Variants in EPB41L1 observed in about 807,000 individuals in gnomAD.
EPB41L1 encodes the protein band 4.1-like protein 1.
EPB41L1 carries 29 observed loss-of-function variants against 97.8 expected under a neutral mutation model. The observed-to-expected ratio is 0.30, with a 90% CI of 0.22 to 0.40. The LOEUF (loss-of-function observed/expected upper bound fraction) is 0.40, where lower values mean the gene tolerates loss of function less well. Ranked by LOEUF, EPB41L1 falls within the 10% of genes least tolerant of loss-of-function variation. The pLI is 1.00. For missense variants in EPB41L1, 812 were observed against 1,162.3 expected (o/e 0.70, Z 4.38); for synonymous variants, 383 against 459.2 (o/e 0.83, Z 2.12).
At chr20:36,119,874 C>T (rs1271118072) in intron 2 of EPB41L1, among the ~76,000 whole-genome samples, 1 of 152,090 alleles carries the variant, frequency 6.6e-6, no homozygotes, top group Admixed American at 6.5e-5. Flanking sequence ...CCCATTTCAG[C>T]CCTTTCTTCA....
At chr20:36,179,750 G>A (rs1249770355) in intron 5 of EPB41L1, among the ~76,000 whole-genome samples, 3 of 152,218 alleles carry the variant, frequency 2.0e-5, no homozygotes, top group African/African-American at 4.8e-5. Flanking sequence ...CCATGACAGC[G>A]GGCAGCTGGG....
chr20:36,142,520 T>C (rs1206241248), intron 2 of EPB41L1, among the ~76,000 whole-genome samples: 1 of 152,232 alleles, frequency 6.6e-6, no homozygotes, highest in African/African-American at 2.4e-5. Context: ...ATGAAACCAG[T>C]TGATAGCTGC....
chr20:36,178,072 A>G lies in EPB41L1; in HGVS notation c.447+16A>G. On this transcript the variant is annotated intron_variant, in intron 4 of 21. Coordinates refer to ENST00000338074, the MANE Select transcript of EPB41L1 (RefSeq NM_012156.2). ...CAGCCAGAAGGTACCTGGGCTAGGG[A>G]GCAGGGTGGGACCTGCTCTTCCGTT... The G allele has an allele frequency of 6.3e-7, 1 of 1,597,220 alleles. No individual in the cohort carries two copies. Among genetic ancestry groups the G allele is most frequent in the Non-Finnish European group, 8.6e-7 (1 of 1,164,900 alleles).
chr20:36,187,676 G>A lies in EPB41L1; in HGVS notation c.786G>A (p.Arg262=), dbSNP rs1488799475. 1 of 1,613,844 alleles carries A rather than the reference G, an allele frequency of 6.2e-7. No individual in the cohort carries two copies. Among genetic ancestry groups the A allele is most frequent in the Non-Finnish European group, 8.5e-7 (1 of 1,179,926 alleles). ...ERIMELHKTY[R]GMTPGEAEIH... is the part of the protein sequence containing the mutation. Reference sequence around the variant, plus strand: ...CCTGTGATCACTTTCTTTCCCTCAGGGGGATGACCCCGGGAGAAGCAGAAA... The same window carrying A: ...CCTGTGATCACTTTCTTTCCCTCAGAGGGATGACCCCGGGAGAAGCAGAAA... The change falls in exon 8 of 22, where the codon AGG becomes AGA. Residue 262 remains arginine, a splice_region_variant and synonymous_variant. Coordinates refer to ENST00000338074, the MANE Select transcript of EPB41L1 (RefSeq NM_012156.2).
chr20:36,221,405 T>A (rs1385288433), intron 19 of EPB41L1, among the ~76,000 whole-genome samples: 1 of 152,188 alleles, frequency 6.6e-6, no homozygotes, highest in Non-Finnish European at 1.5e-5. Flanking sequence ...CTGGTTAGAC[T>A]GGGTGAGGGA....
intron 3 of EPB41L1, 39 bp downstream of exon 3, chr20:36,175,754 C>A (rs752631065): frequency 6.2e-7 from 1 of 1,611,014 alleles, no homozygotes; most frequent in Non-Finnish European, 8.5e-7. Context: ...CGTCCCCGGT[C>A]AGCCAGCCTC....
At chr20:36,215,214 A>C (rs1241525683) in intron 17 of EPB41L1, among the ~76,000 whole-genome samples, 1 of 151,910 alleles carries the variant, frequency 6.6e-6, no homozygotes, top group Non-Finnish European at 1.5e-5. Flanking sequence ...AGGTAACTGA[A>C]GTTCAGAGAG....
At chr20:36,113,917 A>AG (rs2058503262) in intron 2 of EPB41L1, 1 of 152,490 alleles carries the variant, frequency 6.6e-6, no homozygotes, top group South Asian at 2.1e-4. Flanking sequence ...GCTCAGAAGC[A>AG]GACAATTCTG....
rs549999206 is a variant in EPB41L1 at position 36,137,081 on chromosome 20, T to C, written c.-10+24601T>C. Among the ~76,000 whole-genome samples the C allele has an allele frequency of 2.2e-4, 33 of 150,562 alleles. 1 individual carries two copies. The highest frequency in any genetic ancestry group is 7.5e-4 in the African/African-American group (31 of 41,140). ...TTTTCCTTTTCTTTCCTTTCCTTTT[T>C]TTTTTTTTTTTGAGACAGGGTTTCA... On this transcript the variant is annotated intron_variant, in intron 2 of 19. Coordinates refer to the EPB41L1 transcript ENST00000202028.
intron 7 of EPB41L1, among the ~76,000 whole-genome samples, chr20:36,185,956 T>C (rs1362691307): frequency 6.6e-6 from 1 of 152,220 alleles, no homozygotes; most frequent in African/African-American, 2.4e-5. Context: ...GTTCCAGCAG[T>C]TGGACGATAA....
intron 16 of EPB41L1, among the ~76,000 whole-genome samples, chr20:36,213,768 GA>G (rs957605962): frequency 7.9e-5 from 12 of 152,014 alleles, no homozygotes; most frequent in Non-Finnish European, 1.5e-4. Flanking sequence ...ATATCACCCA[GA>G]AAAAAATATA....
intron 1 of EPB41L1, among the ~76,000 whole-genome samples, chr20:36,107,716 C>G (rs924359142): frequency 1.3e-5 from 2 of 151,488 alleles, no homozygotes; most frequent in Non-Finnish European, 1.5e-5. Flanking sequence ...GTAATTCCAG[C>G]TACTCAGGAG....
chr20:36,096,084 GA>G (rs556491707), intron 1 of EPB41L1, among the ~76,000 whole-genome samples: 116 of 152,056 alleles, frequency 7.6e-4, no homozygotes, highest in African/African-American at 2.7e-3. Flanking sequence ...CCTAGGAATT[GA>G]TAACTCTGGA....
At position 36,207,564 on chromosome 20, in the gene EPB41L1, G is replaced by A; in HGVS notation, c.1669-1924G>A. ...AGGCACCCGTGGGACAAGCAGAGCA[G>A]CAGCGGAGTACGCTCTCAGACCTGG... On this transcript the variant is annotated intron_variant, in intron 14 of 21. Coordinates refer to ENST00000338074, the MANE Select transcript of EPB41L1 (RefSeq NM_012156.2). The surrounding 1 kb of genome is among the most constrained non-coding windows in gnomAD (Gnocchi z 4.9). 7.8e-7 allele frequency: 1 copy of A among 1,289,958 alleles called. No individual in the cohort carries two copies. Among genetic ancestry groups the A allele is most frequent in the South Asian group, 1.2e-5 (1 of 81,036 alleles). The allele number at this position is 1,289,958 out of a possible 1,614,324, so 79.9% of individuals were successfully genotyped here.
intron 2 of EPB41L1, among the ~76,000 whole-genome samples, chr20:36,138,646 C>G (rs2059510844): frequency 6.6e-6 from 1 of 152,220 alleles, no homozygotes; most frequent in South Asian, 2.1e-4. Context: ...TTGCCTCACT[C>G]AATCCCTGCG....
intron 2 of EPB41L1, among the ~76,000 whole-genome samples, chr20:36,123,176 G>A (rs150473837): frequency 5.3e-5 from 8 of 152,116 alleles, no homozygotes; most frequent in African/African-American, 1.4e-4. Flanking sequence ...CCATGATCGG[G>A]GGGGAGGGGC....
At chr20:36,102,036 CAAAA>C (rs113984063) in intron 1 of EPB41L1, among the ~76,000 whole-genome samples, 1 of 148,724 alleles carries the variant, frequency 6.7e-6, no homozygotes, top group African/African-American at 2.5e-5. Flanking sequence ...CAAAACAAAA[CAAAA>C]AAAACAAAAA....
rs1023643532 is a variant in EPB41L1 at position 36,207,755 on chromosome 20, C to T, written c.1669-1733C>T. 7.1e-5 allele frequency: 91 copies of T among 1,289,676 alleles called. No individual in the cohort carries two copies. The African/African-American group carries it at 7.6e-4, about 11-fold the overall frequency. The allele number at this position is 1,289,676 out of a possible 1,614,324, so 79.9% of individuals were successfully genotyped here. On this transcript the variant is annotated intron_variant, in intron 14 of 21. Transcript: ENST00000338074. This position sits in a 1 kb window ranked among gnomAD's most constrained non-coding sequence, Gnocchi z 4.9. ...TCCCCCAATTCAGGCTGTGAAACCA[C>T]GCTGGCAGAAGCTACTGGAACTGGG... is the stretch of plus-strand genomic sequence containing the variant.
At chr20:36,201,273 A>C (rs1201840768) in intron 14 of EPB41L1, among the ~76,000 whole-genome samples, 1 of 152,176 alleles carries the variant, frequency 6.6e-6, no homozygotes, top group Non-Finnish European at 1.5e-5. Flanking sequence ...GAGAGGCAGG[A>C]ATGATCTCCC....
Sources: allele counts gnomAD v4.1 joint callset (sites outside exome capture counted in the v4.1 genomes callset), GRCh38; gene constraint gnomAD v4.1.1; non-coding constraint Gnocchi (gnomAD v3.1); transcripts MANE v1.5; gene names NCBI Gene and HGNC (gene_info 2026-07-23, HGNC 2026-07-21).